VEPH1: variants seen among roughly 807,000 people sequenced by gnomAD.
VEPH1 encodes ventricular zone-expressed PH domain-containing protein homolog 1.
VEPH1 carries 80 observed loss-of-function variants against 85.2 expected under a neutral mutation model. The observed-to-expected ratio is 0.94, with a 90% CI of 0.78 to 1.13. The LOEUF (loss-of-function observed/expected upper bound fraction) is 1.13, where lower values mean the gene tolerates loss of function less well. Among genes scored for constraint, VEPH1 ranks in the 50% most tolerant of loss-of-function variants. VEPH1 has a pLI of 0.00. For synonymous variants in VEPH1, 297 were observed against 348.0 expected (o/e 0.85, Z 1.63); for missense variants, 955 against 980.5 (o/e 0.97, Z 0.35).
intron 3 of VEPH1, among the ~76,000 whole-genome samples, chr3:157,467,104 A>C (rs1736440962): frequency 7.2e-6 from 1 of 139,208 alleles, no homozygotes; most frequent in South Asian, 2.3e-4. Flanking sequence ...GGGGGACAAA[A>C]AGAAAAGTGT....
chr3:157,372,319 A>G (rs115809434), intron 7 of VEPH1, among the ~76,000 whole-genome samples: 1 of 152,326 alleles, frequency 6.6e-6, no homozygotes, highest in African/African-American at 2.4e-5. Flanking sequence ...AAACACATCA[A>G]TAACTGACCT....
At chr3:157,394,326 T>C (rs1362544533) in intron 6 of VEPH1, among the ~76,000 whole-genome samples, 8 of 152,212 alleles carry the variant, frequency 5.3e-5, no homozygotes. Context: ...ATAATATAGT[T>C]GTTTATAAAG....
intron 12 of VEPH1, among the ~76,000 whole-genome samples, chr3:157,272,399 C>CTTTCT (rs1553754711): frequency 7.5e-6 from 1 of 132,506 alleles, no homozygotes; most frequent in African/African-American, 2.8e-5. Flanking sequence ...TTCTTTCTTT[C>CTTTCT]TTTCTTTCTT....
intron 9 of VEPH1, among the ~76,000 whole-genome samples, chr3:157,340,680 T>C (rs1723450909): frequency 6.6e-6 from 1 of 152,130 alleles, no homozygotes; most frequent in African/African-American, 2.4e-5. Context: ...AGAGTAGTGG[T>C]TCTCCCAGCA....
chr3:157,481,681 G>C (rs1027015544), intron 2 of VEPH1, among the ~76,000 whole-genome samples: 7 of 152,028 alleles, frequency 4.6e-5, no homozygotes, highest in Non-Finnish European at 8.8e-5. Context: ...TCTTTCCCAA[G>C]ACCAATGTCC....
chr3:157,306,055 A>T (rs188449618), intron 11 of VEPH1, among the ~76,000 whole-genome samples: 152 of 152,296 alleles, frequency 1.0e-3, no homozygotes, highest in African/African-American at 3.6e-3. Flanking sequence ...CTTTGACATT[A>T]GTTACAGGTT....
chr3:157,293,650 C>T lies in VEPH1; in HGVS notation c.2011-6976G>A, dbSNP rs574429270. Among the ~76,000 whole-genome samples the T allele has an allele frequency of 3.3e-5, 5 of 152,246 alleles. No homozygotes were observed. The South Asian group carries it at 8.3e-4, about 25-fold the overall frequency. The stretch of plus-strand genomic sequence containing the variant: ...AAATCATGAAAAAATAATCTGACTA[C>T]AGGATATTGGCAGTTAACATGACAA... On this transcript the variant is annotated intron_variant, in intron 11 of 13. Transcript: ENST00000362010.
chr3:157,337,499 C>T (rs150401570), intron 9 of VEPH1, among the ~76,000 whole-genome samples: 2 of 152,234 alleles, frequency 1.3e-5, no homozygotes, highest in Non-Finnish European at 2.9e-5. Context: ...AATAATCTTG[C>T]TCCATAAGGT....
rs941926703 is a variant in VEPH1, at chr3:157,455,492, G to A, written c.529+4689C>T. Among the ~76,000 whole-genome samples, 78 of 151,822 alleles carry A rather than the reference G, an allele frequency of 5.1e-4. 1 individual carries two copies. The highest frequency in any genetic ancestry group is 1.9e-4 in the Non-Finnish European group (13 of 67,940). ...TTTATATAGGTAAACTTGTGTCATG[G>A]GGGTTTGTTGAACAGATTATTTTAT... On this transcript the variant is annotated intron_variant, in intron 4 of 13. Coordinates refer to ENST00000362010, the MANE Select transcript of VEPH1 (RefSeq NM_001167912.2).
chr3:157,409,536 A>C, intron 6 of VEPH1: 2 of 838,560 alleles, frequency 2.4e-6, no homozygotes, highest in Non-Finnish European at 2.9e-6. Flanking sequence ...TTGGGCAAAA[A>C]GATTTCTGAG....
At chr3:157,319,074 CA>C (rs1559954826) in intron 9 of VEPH1, among the ~76,000 whole-genome samples, 1 of 151,690 alleles carries the variant, frequency 6.6e-6, no homozygotes, top group African/African-American at 2.4e-5. Context: ...TTAGAGCGGC[CA>C]ATGAGAGATT....
chr3:157,373,173 T>G (rs138151471), intron 7 of VEPH1, among the ~76,000 whole-genome samples: 1 of 152,174 alleles, frequency 6.6e-6, no homozygotes. Context: ...CAACATTAAA[T>G]CCAACTGTTT....
chr3:157,265,496 G>T, intron 13 of VEPH1, 30 bp downstream of exon 13: 4 of 1,601,528 alleles, frequency 2.5e-6, no homozygotes, highest in Non-Finnish European at 3.4e-6. Context: ...CCTTAAAAAT[G>T]CAAGTGTAAA....
intron 11 of VEPH1, among the ~76,000 whole-genome samples, chr3:157,288,901 C>T (rs1479016424): frequency 6.6e-6 from 1 of 152,250 alleles, no homozygotes; most frequent in East Asian, 1.9e-4. Context: ...GGTTGCTAAC[C>T]TTTAATACCG....
chr3:157,498,859 C>T (rs1049978770), intron 1 of VEPH1, among the ~76,000 whole-genome samples: 3 of 152,226 alleles, frequency 2.0e-5, no homozygotes, highest in Non-Finnish European at 4.4e-5. Context: ...AGTCCTGTGG[C>T]CTGTGTGCAC....
chr3:157,316,974 C>T (rs1720818024), intron 10 of VEPH1, 88 bp downstream of exon 10: 3 of 1,405,838 alleles, frequency 2.1e-6, no homozygotes, highest in Non-Finnish European at 2.8e-6. Flanking sequence ...CATATCAACT[C>T]TGGCCAAAGA....
intron 7 of VEPH1, among the ~76,000 whole-genome samples, chr3:157,376,958 T>C (rs918231361): frequency 6.6e-6 from 1 of 152,206 alleles, no homozygotes; most frequent in African/African-American, 2.4e-5. Flanking sequence ...TAGACAAAAG[T>C]GCAGACCTTT....
intron 12 of VEPH1, among the ~76,000 whole-genome samples, chr3:157,284,668 GA>G (rs71760872): frequency 0.33 from 47,012 of 142,010 alleles, 7,964 homozygotes; most frequent in East Asian, 0.6. Context: ...GGGTTTTGGT[GA>G]AAAAAAAAAA....
chr3:157,425,392 C>T lies in VEPH1; in HGVS notation c.696+2930G>A, dbSNP rs572182901. The stretch of plus-strand genomic sequence containing the variant: ...ACAGAGTCCCTACTGGGGCACCAGC[C>T]TGTGAAAGCAGCCAGGAGGGAGGCT... On this transcript the variant is annotated intron_variant, in intron 5 of 13. Transcript: ENST00000362010. Among the ~76,000 whole-genome samples the T allele has an allele frequency of 3.9e-5, 6 of 152,148 alleles. 1 individual carries two copies. Among genetic ancestry groups the T allele is most frequent in the African/African-American group, 1.4e-4 (6 of 41,440 alleles).
Sources: allele counts gnomAD v4.1 joint callset (sites outside exome capture counted in the v4.1 genomes callset), GRCh38; gene constraint gnomAD v4.1.1; transcripts MANE v1.5; gene names NCBI Gene and HGNC (gene_info 2026-07-23, HGNC 2026-07-21).